ATRNL1: variants seen among roughly 807,000 people sequenced by gnomAD.
ATRNL1 encodes the protein attractin like 1, also known as attractin-like protein 1.
In ATRNL1, 95 loss-of-function variants were observed where a neutral mutation model predicts 182.7. The observed-to-expected ratio is 0.52, with a 90% confidence interval of 0.44 to 0.62. ATRNL1 has a LOEUF of 0.62. Among genes scored for constraint, ATRNL1 ranks in the 20% least tolerant of loss-of-function variants. ATRNL1 has a pLI of 0.00. For synonymous variants in ATRNL1, 576 were observed against 568.3 expected, an observed-to-expected ratio of 1.01 and a Z score of -0.19; for missense variants, 1,471 against 1,679.5, an observed-to-expected ratio of 0.88 and a Z score of 2.17.
chr10:115,203,745 A>ATTTTTTTTTT (rs71476116), intron 8 of ATRNL1, among the ~76,000 whole-genome samples: 88 of 105,966 alleles, frequency 8.3e-4, no homozygotes, highest in African/African-American at 2.3e-3. Context: ...ATGCCTGGCT[A>ATTTTTTTTTT]TTTTTTTTTT....
chr10:115,167,239 A>G (rs1847087762), intron 7 of ATRNL1, among the ~76,000 whole-genome samples: 1 of 151,212 alleles, frequency 6.6e-6, no homozygotes, highest in Admixed American at 6.6e-5. Context: ...TGGACTCTCT[A>G]TTTTATTCTA....
intron 5 of ATRNL1, among the ~76,000 whole-genome samples, chr10:115,154,245 G>A (rs920311828): frequency 6.6e-6 from 1 of 150,594 alleles, no homozygotes; most frequent in Non-Finnish European, 1.5e-5. Flanking sequence ...GCAGAGCTGA[G>A]TTCAATTCCT....
intron 24 of ATRNL1, among the ~76,000 whole-genome samples, chr10:115,496,749 T>C (rs564692327): frequency 6.6e-6 from 1 of 152,348 alleles, no homozygotes; most frequent in South Asian, 2.1e-4. Context: ...ATAAGGCCTC[T>C]GCTCAAAGGT....
At chr10:115,795,382 C>T (rs1949626956) in intron 27 of ATRNL1, among the ~76,000 whole-genome samples, 1 of 152,084 alleles carries the variant, frequency 6.6e-6, no homozygotes, top group South Asian at 2.1e-4. Flanking sequence ...AACCCGGTTT[C>T]CATTATCCTT....
At chr10:115,725,803 A>C (rs1324658718) in intron 26 of ATRNL1, among the ~76,000 whole-genome samples, 1 of 152,132 alleles carries the variant, frequency 6.6e-6, no homozygotes, top group Non-Finnish European at 1.5e-5. Flanking sequence ...TCAATTTCCC[A>C]TTCCTATTGA....
intron 5 of ATRNL1, among the ~76,000 whole-genome samples, chr10:115,158,691 C>T (rs1302463330): frequency 1.3e-5 from 2 of 151,800 alleles, no homozygotes; most frequent in South Asian, 4.2e-4. Flanking sequence ...CTGTATGGGT[C>T]AATATTTCTT....
chr10:115,815,139 A>C (rs1555088174), intron 27 of ATRNL1, among the ~76,000 whole-genome samples: 2 of 152,112 alleles, frequency 1.3e-5, no homozygotes, highest in African/African-American at 4.8e-5. Flanking sequence ...GGTAGTATGA[A>C]ATGCATAGTT....
At chr10:115,639,769 A>G (rs1396735426) in intron 26 of ATRNL1, among the ~76,000 whole-genome samples, 1 of 152,154 alleles carries the variant, frequency 6.6e-6, no homozygotes, top group Non-Finnish European at 1.5e-5. Flanking sequence ...AAAAGAAGAG[A>G]GAGGGATAAA....
intron 26 of ATRNL1, among the ~76,000 whole-genome samples, chr10:115,652,836 T>C (rs943170862): frequency 2.0e-5 from 3 of 152,142 alleles, no homozygotes; most frequent in Non-Finnish European, 4.4e-5. Context: ...ATGTTTTAAC[T>C]AAATATTTGT....
At chr10:115,940,232 G>A (rs1953686256) in intron 28 of ATRNL1, among the ~76,000 whole-genome samples, 1 of 152,168 alleles carries the variant, frequency 6.6e-6, no homozygotes, top group Non-Finnish European at 1.5e-5. Flanking sequence ...ATCCTATGTG[G>A]TTAGGGGTAC....
intron 10 of ATRNL1, among the ~76,000 whole-genome samples, chr10:115,264,231 T>A (rs1170874927): frequency 1.3e-5 from 2 of 151,698 alleles, no homozygotes; most frequent in African/African-American, 4.8e-5. Context: ...TGTTCATTAA[T>A]AAAATATTGA....
chr10:115,559,209 A>G lies in ATRNL1; in HGVS notation c.3795+9673A>G, dbSNP rs542874965. Among the ~76,000 whole-genome samples, 3 of 152,328 alleles carry G rather than the reference A, an allele frequency of 2.0e-5. No individual in the cohort carries two copies. In the East Asian group the frequency reaches 5.8e-4, roughly 29 times the overall value. Reference sequence around the variant, plus strand: ...CATCATTAGCTCTAGAGCTTGCACAAACTAGCAAAATCAATTCAAAAAGAT... The same window carrying G: ...CATCATTAGCTCTAGAGCTTGCACAGACTAGCAAAATCAATTCAAAAAGAT... On this transcript the variant is annotated intron_variant, in intron 26 of 28. Transcript: ENST00000355044.
chr10:115,159,052 T>C (rs782078523), intron 5 of ATRNL1, among the ~76,000 whole-genome samples: 13 of 151,768 alleles, frequency 8.6e-5, no homozygotes, highest in Non-Finnish European at 1.6e-4. Flanking sequence ...TAAAATTATG[T>C]AAAAAAGGCA....
At chr10:115,473,769 A>G (rs1359071108) in intron 24 of ATRNL1, among the ~76,000 whole-genome samples, 3 of 151,194 alleles carry the variant, frequency 2.0e-5, no homozygotes, top group African/African-American at 7.3e-5. Context: ...GATGTGACCA[A>G]GTTTTCTATT....
chr10:115,701,164 A>G (rs1158891379), intron 26 of ATRNL1, among the ~76,000 whole-genome samples: 1 of 152,036 alleles, frequency 6.6e-6, no homozygotes, highest in African/African-American at 2.4e-5. Context: ...TCTCAAAACC[A>G]CACAATTACA....
chr10:115,432,812 G>A (rs1197810959), intron 21 of ATRNL1, among the ~76,000 whole-genome samples: 1 of 151,866 alleles, frequency 6.6e-6, no homozygotes, highest in Non-Finnish European at 1.5e-5. Context: ...TCACAAAGTA[G>A]TATAGTTTTT....
chr10:115,572,438 A>G (rs1054569271), intron 26 of ATRNL1, among the ~76,000 whole-genome samples: 8 of 152,158 alleles, frequency 5.3e-5, no homozygotes, highest in African/African-American at 1.9e-4. Context: ...GGTGGGGAAA[A>G]AAAAAGACTA....
At chr10:115,264,200 T>C (rs148256556) in intron 10 of ATRNL1, among the ~76,000 whole-genome samples, 41 of 151,874 alleles carry the variant, frequency 2.7e-4, no homozygotes, top group African/African-American at 8.7e-4. Context: ...ACTTACAGTT[T>C]TGGTTTTTAT....
intron 26 of ATRNL1, among the ~76,000 whole-genome samples, chr10:115,599,221 G>A (rs1422089206): frequency 6.6e-6 from 1 of 151,974 alleles, no homozygotes; most frequent in Non-Finnish European, 1.5e-5. Flanking sequence ...TTTTATCATT[G>A]CCAACAAATA....
Sources: allele counts gnomAD v4.1 joint callset (sites outside exome capture counted in the v4.1 genomes callset), GRCh38; gene constraint gnomAD v4.1.1; transcripts MANE v1.5; gene names NCBI Gene and HGNC (gene_info 2026-07-23, HGNC 2026-07-21).